EXOC4: variants seen among roughly 807,000 people sequenced by gnomAD.
EXOC4 encodes the protein SEC8-like 1.
A neutral mutation model predicts 107.2 loss-of-function variants in EXOC4; 71 were observed. That is an observed-to-expected ratio of 0.66 (90% CI 0.55 to 0.81). The LOEUF (loss-of-function observed/expected upper bound fraction) is 0.81, where lower values mean the gene tolerates loss of function less well. Ranked by LOEUF, EXOC4 falls within the 30% of genes least tolerant of loss-of-function variation. The probability of loss-of-function intolerance (pLI) is 0.00; values close to 1 mark genes in which losing one functional copy is unlikely to be tolerated. For synonymous variants in EXOC4, 456 were observed against 441.2 expected (o/e 1.03, Z -0.42); for missense variants, 1,108 against 1,189.6 (o/e 0.93, Z 1.01).
chr7:133,922,973 T>G (rs1018890980), intron 13 of EXOC4, among the ~76,000 whole-genome samples: 2 of 135,930 alleles, frequency 1.5e-5, no homozygotes, highest in African/African-American at 3.1e-5. Context: ...ATAGTGCTAT[T>G]GTGAATATCC....
Position 133,349,490 on chromosome 7 carries a change from T to G in EXOC4, c.764-6840T>G, listed in dbSNP as rs1795860192. Among the ~76,000 whole-genome samples the G allele has an allele frequency of 2.0e-5, 3 of 152,204 alleles. 1 individual carries two copies. In the South Asian group the frequency reaches 6.2e-4, roughly 32 times the overall value. The stretch of plus-strand genomic sequence containing the variant: ...CCATGTTGTAGCATGTGTCAGAATT[T>G]CCTTCCTTTTTAAAGCTGAATAATA... On this transcript the variant is annotated intron_variant, in intron 5 of 17. Coordinates refer to ENST00000253861, the MANE Select transcript of EXOC4 (RefSeq NM_021807.4).
intron 10 of EXOC4, among the ~76,000 whole-genome samples, chr7:133,647,905 C>T (rs541984562): frequency 6.6e-6 from 1 of 152,102 alleles, no homozygotes; most frequent in Non-Finnish European, 1.5e-5. Flanking sequence ...CCCTGCATTC[C>T]AGATAGTTCC....
intron 14 of EXOC4, among the ~76,000 whole-genome samples, chr7:133,951,708 C>G (rs899082163): frequency 6.6e-6 from 1 of 152,172 alleles, no homozygotes; most frequent in Non-Finnish European, 1.5e-5. Context: ...AATTTAACAG[C>G]CTTCCAAAAT....
chr7:133,701,010 G>A (rs561801106), intron 10 of EXOC4, among the ~76,000 whole-genome samples: 1 of 152,040 alleles, frequency 6.6e-6, no homozygotes, highest in East Asian at 1.9e-4. Context: ...ATTCTTACCT[G>A]GTGTAATAAA....
intron 9 of EXOC4, among the ~76,000 whole-genome samples, chr7:133,619,455 C>T (rs1398638555): frequency 6.6e-6 from 1 of 152,172 alleles, no homozygotes; most frequent in Non-Finnish European, 1.5e-5. Context: ...TGGACCCTTT[C>T]ACAGACAAAA....
chr7:133,723,246 T>G (rs112408548), intron 10 of EXOC4, among the ~76,000 whole-genome samples: 137 of 152,358 alleles, frequency 9.0e-4, no homozygotes, highest in African/African-American at 3.0e-3. Flanking sequence ...TAGCAAAGTC[T>G]GCTGTGCTGC....
chr7:134,015,241 T>C (rs1357858556), intron 17 of EXOC4, among the ~76,000 whole-genome samples: 37 of 152,178 alleles, frequency 2.4e-4, no homozygotes, highest in Admixed American at 2.4e-3. Context: ...TTACCATGAT[T>C]TTAAAAAGCG....
At chr7:133,533,693 G>C (rs1362491577) in intron 9 of EXOC4, among the ~76,000 whole-genome samples, 1 of 152,132 alleles carries the variant, frequency 6.6e-6, no homozygotes, top group Non-Finnish European at 1.5e-5. Flanking sequence ...TCGGCTGACT[G>C]TGCCATCTCT....
intron 9 of EXOC4, among the ~76,000 whole-genome samples, chr7:133,537,305 C>T (rs555559283): frequency 6.8e-6 from 1 of 146,914 alleles, no homozygotes; most frequent in South Asian, 2.2e-4. Context: ...CACCCCCCCC[C>T]CCACCACACC....
intron 17 of EXOC4, chr7:134,008,066 C>A: frequency 2.3e-6 from 1 of 433,044 alleles, no homozygotes; most frequent in South Asian, 4.2e-5. Flanking sequence ...TTCTTCTTAA[C>A]TACAATACTT....
At chr7:134,026,834 G>A (rs866686442) in intron 17 of EXOC4, among the ~76,000 whole-genome samples, 6 of 144,738 alleles carry the variant, frequency 4.1e-5, no homozygotes, top group South Asian at 4.4e-4. Flanking sequence ...GCAGAGCAAC[G>A]TTGCTTTCTT....
chr7:133,919,400 A>T (rs1799887378), intron 13 of EXOC4, among the ~76,000 whole-genome samples: 1 of 152,236 alleles, frequency 6.6e-6, no homozygotes, highest in African/African-American at 2.4e-5. Flanking sequence ...TCTGTAGTTT[A>T]CATTAAGGAT....
chr7:133,633,741 G>C lies in EXOC4; in HGVS notation c.1514+3600G>C, dbSNP rs1802643407. 1.3e-5 allele frequency among the ~76,000 whole-genome samples: 2 copies of C among 152,020 alleles called. 1 individual carries two copies. The highest frequency in any genetic ancestry group is 1.3e-4 in the Admixed American group (2 of 15,252). On this transcript the variant is annotated intron_variant, in intron 10 of 17. Transcript: ENST00000253861. ...CTCAAAAATAAAATAAGTTCTAGAG[G>C]AACTTATCACAAGTTGACTTTTATC...
intron 2 of EXOC4, among the ~76,000 whole-genome samples, chr7:133,276,908 T>C (rs1794006953): frequency 6.6e-6 from 1 of 152,226 alleles, no homozygotes; most frequent in African/African-American, 2.4e-5. Context: ...ATCAGTATGC[T>C]CTTAACCTTT....
intron 7 of EXOC4, among the ~76,000 whole-genome samples, chr7:133,454,340 C>T (rs1798415280): frequency 6.6e-6 from 1 of 151,902 alleles, no homozygotes; most frequent in Non-Finnish European, 1.5e-5. Context: ...ACTGTGTTGC[C>T]CAGGTTGGGG....
chr7:133,621,333 A>G (rs966112789), intron 9 of EXOC4, among the ~76,000 whole-genome samples: 2 of 152,134 alleles, frequency 1.3e-5, no homozygotes, highest in Admixed American at 6.5e-5. Flanking sequence ...TGTAGAATTC[A>G]TTGTTATTTA....
chr7:133,947,329 G>A (rs1046290068), intron 14 of EXOC4, among the ~76,000 whole-genome samples: 1 of 152,098 alleles, frequency 6.6e-6, no homozygotes, highest in Non-Finnish European at 1.5e-5. Flanking sequence ...ATCTCAAGTT[G>A]TGTGGTTGCT....
At chr7:133,532,957 A>T (rs891325713) in intron 9 of EXOC4, among the ~76,000 whole-genome samples, 1 of 151,976 alleles carries the variant, frequency 6.6e-6, no homozygotes, top group Non-Finnish European at 1.5e-5. Flanking sequence ...TCAGGGTGAA[A>T]ATTGCATGGC....
chr7:133,622,437 A>G (rs1802356644), intron 9 of EXOC4, among the ~76,000 whole-genome samples: 1 of 152,034 alleles, frequency 6.6e-6, no homozygotes. Context: ...CTCACCAGCA[A>G]TTTGAAGGTG....
Sources: gnomAD v4.1 joint callset for allele counts (sites outside exome capture counted in the v4.1 genomes callset) on GRCh38, gnomAD v4.1.1 for gene constraint, MANE v1.5 for transcripts, NCBI Gene and HGNC (gene_info 2026-07-23, HGNC 2026-07-21) for gene names.